The following NOC3L variants were observed in gnomAD, a reference collection of about 807,000 sequenced individuals.
NOC3L encodes the protein NOC3 like DNA replication regulator.
Under a neutral mutation model 102.5 loss-of-function variants are expected in NOC3L, and 85 were observed. The ratio of observed to expected loss-of-function variants is 0.83; its 90% CI spans 0.70 to 0.99. The LOEUF (loss-of-function observed/expected upper bound fraction) is 0.99, where lower values mean the gene tolerates loss of function less well. Ranked by LOEUF, NOC3L falls within the 50% of genes least tolerant of loss-of-function variation. NOC3L has a pLI of 0.00. For synonymous variants in NOC3L, 303 were observed against 309.4 expected (o/e 0.98, Z 0.22); for missense variants, 878 against 914.9 (o/e 0.96, Z 0.52).
At chr10:94,329,384 T>TAA (rs2054129215), downstream of NOC3L, 1 of 152,176 alleles carries the variant, frequency 6.6e-6, no homozygotes, top group Non-Finnish European at 1.5e-5. Flanking sequence ...TACAAAACAC[T>TAA]AAAACTCACT....
At chr10:94,327,935 T>A in the NOC3L span, 1 of 524,330 alleles carries the variant, frequency 1.9e-6, no homozygotes, top group Non-Finnish European at 3.9e-6. Flanking sequence ...TCATTTTCAG[T>A]ATACTAATAA....
chr10:94,321,002 T>A, the NOC3L span, among the ~76,000 whole-genome samples: 3 of 152,272 alleles, frequency 2.0e-5, no homozygotes, highest in Admixed American at 2.0e-4. Context: ...TGTTTGAAAA[T>A]TTTTAATAAG....
Position 94,361,832 on chromosome 10 carries a change from A to C in NOC3L, c.50T>G (p.Ile17Arg). Residue 17 changes from isoleucine to arginine, a missense_variant, in exon 2 of 21, where the codon ATA becomes AGA. By Grantham distance (97) the Ile-to-Arg change is moderately conservative (BLOSUM62 -3). Transcript: ENST00000371361. ...KKQIPSFRKL[I>R]KTSKVKLENK... ...TTCAAGTTTGACTTTACTAGTTTTT[A>C]TTAACTTGCGAAAGCTTGGGATCTG... 6.2e-7 allele frequency: 1 copy of C among 1,613,428 alleles called. No homozygotes were observed. The highest frequency in any genetic ancestry group is 8.5e-7 in the Non-Finnish European group (1 of 1,179,776).
At chr10:94,317,818 G>A in the NOC3L span, among the ~76,000 whole-genome samples, 1 of 152,104 alleles carries the variant, frequency 6.6e-6, no homozygotes, top group Non-Finnish European at 1.5e-5. Flanking sequence ...AGACAGTCAT[G>A]CGTCATGACA....
At chr10:94,315,482 G>C in the NOC3L span, 1 of 455,876 alleles carries the variant, frequency 2.2e-6, no homozygotes, top group African/African-American at 2.0e-5. Flanking sequence ...ATATGAGTGA[G>C]AAAATACATT....
At chr10:94,321,842 GTCTT>G in the NOC3L span, 158 of 1,346,748 alleles carry the variant, frequency 1.2e-4, no homozygotes, top group Non-Finnish European at 1.5e-4. Flanking sequence ...TGCTAGATTT[GTCTT>G]TCTTTATTCT....
chr10:94,330,959 C>A (rs2054150617), downstream of NOC3L: 1 of 152,130 alleles, frequency 6.6e-6, no homozygotes, highest in South Asian at 2.1e-4. Context: ...AAGTTGGGGT[C>A]ATTACAAAAT....
the NOC3L span, among the ~76,000 whole-genome samples, chr10:94,321,640 A>G: frequency 6.6e-6 from 1 of 151,946 alleles, no homozygotes; most frequent in Non-Finnish European, 1.5e-5. Flanking sequence ...AAAAAAAAAA[A>G]AAAAAACCCA....
intron 8 of NOC3L, among the ~76,000 whole-genome samples, chr10:94,351,711 G>A (rs1289450671): frequency 7.1e-6 from 1 of 140,230 alleles, no homozygotes; most frequent in Non-Finnish European, 1.5e-5. Context: ...TTTTTTTTTA[G>A]AGACAGGAGT....
Position 94,337,828 on chromosome 10 carries a change from G to A in NOC3L, c.2138C>T (p.Ala713Val). 6.2e-7 allele frequency: 1 copy of A among 1,614,042 alleles called. No individual in the cohort carries two copies. Among genetic ancestry groups the A allele is most frequent in the Non-Finnish European group, 8.5e-7 (1 of 1,179,936 alleles). ...IVQRFAAHLI[A>V]GAPSEGSGAL... ...TCCAGAGCCTTCAGAAGGTGCTCCA[G>A]CGATCAGGTGGGCTGCAAATCTCTG... The change falls in exon 19 of 21, where the codon GCT (alanine) becomes GTT (valine). Residue 713 changes from alanine to valine, a missense_variant. Ala to Val is a moderately conservative substitution (Grantham distance 64, BLOSUM62 0). Coordinates refer to ENST00000371361, the MANE Select transcript of NOC3L (RefSeq NM_022451.11).
chr10:94,338,793 T>G (rs1391669258), intron 17 of NOC3L, 57 bp from the exon 18 acceptor site: 1 of 1,492,748 alleles, frequency 6.7e-7, no homozygotes, highest in African/African-American at 1.4e-5. Context: ...ATATAAGAGG[T>G]GTTACTGGTT....
chr10:94,356,726 A>AGCACTTTTAT (rs2054490710), intron 4 of NOC3L, 135 bp from the exon 5 acceptor site: 15 of 630,310 alleles, frequency 2.4e-5, no homozygotes, highest in South Asian at 4.1e-5. Context: ...TTAGTGATTG[A>AGCACTTTTAT]GGTGAGCACA....
the NOC3L span, among the ~76,000 whole-genome samples, chr10:94,320,135 ACT>A: frequency 1.3e-5 from 2 of 151,756 alleles, no homozygotes; most frequent in African/African-American, 2.4e-5. Context: ...TCTCAATCTT[ACT>A]CTCTGACTGG....
the NOC3L span, among the ~76,000 whole-genome samples, chr10:94,320,136 C>G: frequency 1.3e-5 from 2 of 152,038 alleles, no homozygotes; most frequent in Non-Finnish European, 2.9e-5. Flanking sequence ...CTCAATCTTA[C>G]TCTCTGACTG....
intron 19 of NOC3L, among the ~76,000 whole-genome samples, chr10:94,335,375 T>C (rs1302360407): frequency 6.6e-6 from 1 of 152,030 alleles, no homozygotes; most frequent in Non-Finnish European, 1.5e-5. Flanking sequence ...GCAAAACTGC[T>C]AAGGAAAACA....
At position 94,352,936 on chromosome 10, in the gene NOC3L, T is replaced by A; in HGVS notation, c.818A>T (p.Tyr273Phe). 1 of 1,613,884 alleles carries A rather than the reference T, an allele frequency of 6.2e-7. No homozygotes were observed. The highest frequency in any genetic ancestry group is 8.5e-7 in the Non-Finnish European group (1 of 1,179,800). The change falls in exon 7 of 21, where the codon TAT becomes TTT. Residue 273 changes from tyrosine to phenylalanine, a missense_variant. By Grantham distance (22) the Tyr-to-Phe change is conservative (BLOSUM62 3). Coordinates refer to ENST00000371361, the MANE Select transcript of NOC3L (RefSeq NM_022451.11). Reference protein sequence around the residue: ...MELFKDITPSYKIRPLTEAEK... With the variant: ...MELFKDITPSFKIRPLTEAEK... ...TGCTTCTGTGAGGGGCCGGATTTTA[T>A]ATGAAGGAGTAATATCTTTAAATAA...
chr10:94,325,138 GCTTAA>G, the NOC3L span: 14 of 1,454,880 alleles, frequency 9.6e-6, no homozygotes, highest in East Asian at 1.4e-4. Flanking sequence ...CTGGAACAGG[GCTTAA>G]CTTAAACTAC....
chr10:94,325,321 G>A, the NOC3L span: 1 of 471,460 alleles, frequency 2.1e-6, no homozygotes, highest in East Asian at 4.3e-5. Context: ...GAAAGAGGCT[G>A]GGCGTGGTGG....
At chr10:94,348,760 G>A (rs1408327317) in intron 10 of NOC3L, among the ~76,000 whole-genome samples, 1 of 152,116 alleles carries the variant, frequency 6.6e-6, no homozygotes, top group African/African-American at 2.4e-5. Context: ...TGTGATTACT[G>A]TTGGATCCAG....
Sources: gnomAD v4.1 joint callset for allele counts (sites outside exome capture counted in the v4.1 genomes callset) on GRCh38, gnomAD v4.1.1 for gene constraint, MANE v1.5 for transcripts, NCBI Gene and HGNC (gene_info 2026-07-23, HGNC 2026-07-21) for gene names.